ZFHX3: variants seen among roughly 807,000 people sequenced by gnomAD.
ZFHX3 encodes zinc finger homeobox 3.
In ZFHX3, 42 loss-of-function variants were observed where a neutral mutation model predicts 279.1. The observed-to-expected ratio is 0.15, with a 90% CI of 0.12 to 0.19. The LOEUF (loss-of-function observed/expected upper bound fraction) is 0.19, where lower values mean the gene tolerates loss of function less well. ZFHX3 is among the 10% of genes least tolerant of loss of function. The pLI is 1.00. For missense variants in ZFHX3, 4,981 were observed against 4,754.0 expected, an observed-to-expected ratio of 1.05 and a Z score of -1.40; for synonymous variants, 2,293 against 1,957.8, an observed-to-expected ratio of 1.17 and a Z score of -4.52.
chr16:72,882,980 GTGTGTGT>G (rs2038524769), intron 4 of ZFHX3, among the ~76,000 whole-genome samples: 1,390 of 35,454 alleles, frequency 0.039, 52 homozygotes, highest in South Asian at 0.049. Context: ...ACTCTGGGGT[GTGTGTGT>G]GTGTGTGTGT....
At chr16:73,570,611 T>C (rs2051724257) in intron 2 of ZFHX3, among the ~76,000 whole-genome samples, 1 of 152,206 alleles carries the variant, frequency 6.6e-6, no homozygotes, top group African/African-American at 2.4e-5. Flanking sequence ...GTTTTCTCTT[T>C]GAAAAGTTTC....
At chr16:73,753,297 G>T (rs182002639) in intron 1 of ZFHX3, among the ~76,000 whole-genome samples, 140 of 152,224 alleles carry the variant, frequency 9.2e-4, no homozygotes, top group Admixed American at 3.6e-3. Context: ...GAGGAAACCA[G>T]CAAAGGGTGA....
At chr16:73,016,871 G>A (rs983805654) in intron 1 of ZFHX3, among the ~76,000 whole-genome samples, 71 of 151,808 alleles carry the variant, frequency 4.7e-4, no homozygotes, top group African/African-American at 1.5e-3. Flanking sequence ...CCAAGTTCAC[G>A]TGTATATCCC....
At chr16:73,706,728 G>T (rs1221789270) in intron 1 of ZFHX3, among the ~76,000 whole-genome samples, 1 of 152,038 alleles carries the variant, frequency 6.6e-6, no homozygotes, top group Non-Finnish European at 1.5e-5. Context: ...TTCTTTATGA[G>T]AAACATAGTT....
Position 73,362,383 on chromosome 16 carries a change from G to A in ZFHX3, c.-1290-44047C>T, listed in dbSNP as rs558557960. ...CTTGACCACCCATGGGATGGCCCAG[G>A]AACAGAGTCAGAGGCCAGAGGAACA... On this transcript the variant is annotated intron_variant, in intron 3 of 17. Coordinates refer to the ZFHX3 transcript ENST00000641206. 1.2e-4 allele frequency among the ~76,000 whole-genome samples: 19 copies of A among 152,316 alleles called. No individual in the cohort carries two copies. In the South Asian group the frequency reaches 1.9e-3, roughly 15 times the overall value.
At chr16:73,255,781 G>C (rs942376525) in intron 5 of ZFHX3, among the ~76,000 whole-genome samples, 1 of 152,194 alleles carries the variant, frequency 6.6e-6, no homozygotes, top group Non-Finnish European at 1.5e-5. Flanking sequence ...TGCAAAGCCT[G>C]AAATGCCACA....
At chr16:73,570,317 A>C (rs1333576607) in intron 2 of ZFHX3, among the ~76,000 whole-genome samples, 1 of 152,242 alleles carries the variant, frequency 6.6e-6, no homozygotes, top group Non-Finnish European at 1.5e-5. Flanking sequence ...TCTGAAGTTA[A>C]ATACACATTG....
chr16:73,722,279 G>A (rs919745441), intron 1 of ZFHX3, among the ~76,000 whole-genome samples: 8 of 152,182 alleles, frequency 5.3e-5, no homozygotes, highest in Admixed American at 3.3e-4. Flanking sequence ...TATGGTACTC[G>A]ATTGGTTGAT....
chr16:73,848,121 A>G (rs1457563787), intron 1 of ZFHX3, among the ~76,000 whole-genome samples: 1 of 151,880 alleles, frequency 6.6e-6, no homozygotes, highest in African/African-American at 2.4e-5. Flanking sequence ...TTGTCTCATT[A>G]CAGTTTACAC....
At chr16:73,232,628 T>C (rs1567425062) in intron 5 of ZFHX3, 1 of 152,130 alleles carries the variant, frequency 6.6e-6, no homozygotes, top group African/African-American at 2.4e-5. Context: ...CAGGACGCAA[T>C]GGACTTTGCT....
intron 2 of ZFHX3, among the ~76,000 whole-genome samples, chr16:73,621,933 C>G (rs987302573): frequency 2.6e-5 from 4 of 152,200 alleles, no homozygotes; most frequent in African/African-American, 9.6e-5. Flanking sequence ...TCAGTAAATT[C>G]TAATGGAGGA....
intron 3 of ZFHX3, among the ~76,000 whole-genome samples, chr16:73,378,186 C>T (rs1443904378): frequency 3.9e-5 from 6 of 151,900 alleles, no homozygotes; most frequent in African/African-American, 1.5e-4. Flanking sequence ...GAAAGGCCTG[C>T]TACTCCCACT....
rs2143595870 is a variant in ZFHX3 at position 72,811,978 on chromosome 16, G to C, written c.3590C>G (p.Ser1197Cys). 2.5e-6 allele frequency: 4 copies of C among 1,614,174 alleles called. No homozygotes were observed. The highest frequency in any genetic ancestry group is 1.7e-6 in the Non-Finnish European group (2 of 1,180,032). The change falls in exon 6 of 10, where the codon TCC (serine) becomes TGC (cysteine). Residue 1197 changes from serine to cysteine, a missense_variant. By Grantham distance (112) the Ser-to-Cys change is moderately radical. Around this residue, in one of 7 missense-constraint regions of ZFHX3, gnomAD observed 1,751 missense variants for 1,770.0 expected, o/e 0.99. Coordinates refer to ENST00000268489, the MANE Select transcript of ZFHX3 (RefSeq NM_006885.4). ...TDSPATSKRI[S>C]FPGSSESPLS... ...GGGAGACTCTGAGCTACCTGGGAAGGAGATGCGTTTGGAGGTTGCAGGAGA... is the reference window on the plus strand; with the variant it reads ...GGGAGACTCTGAGCTACCTGGGAAGCAGATGCGTTTGGAGGTTGCAGGAGA...
rs1290385290 is a variant in ZFHX3 at position 72,959,515 on chromosome 16, G to C, written c.631C>G (p.Pro211Ala). 6.2e-7 allele frequency: 1 copy of C among 1,614,124 alleles called. No individual in the cohort carries two copies. Among genetic ancestry groups the C allele is most frequent in the East Asian group, 2.2e-5 (1 of 44,898 alleles). ...GAGGTATTCGGGAAAGCCTGGTCTGGGCCCTCAAACCATTTCCCGAAGGAT... is the reference window on the plus strand; with the variant it reads ...GAGGTATTCGGGAAAGCCTGGTCTGCGCCCTCAAACCATTTCCCGAAGGAT... ...ASSFGKWFEG[P>A]DQAFPNTSAL... Residue 211 changes from proline to alanine, a missense_variant, in exon 2 of 10, where the codon CCA becomes GCA. Coordinates refer to ENST00000268489, the MANE Select transcript of ZFHX3 (RefSeq NM_006885.4).
At chr16:72,894,686 T>C (rs2038853890) in intron 3 of ZFHX3, among the ~76,000 whole-genome samples, 1 of 152,192 alleles carries the variant, frequency 6.6e-6, no homozygotes, top group African/African-American at 2.4e-5. Flanking sequence ...GGGATCACAA[T>C]GTATTTAATT....
At chr16:73,218,980 C>A (rs537124926) in intron 5 of ZFHX3, among the ~76,000 whole-genome samples, 24 of 152,278 alleles carry the variant, frequency 1.6e-4, no homozygotes, top group African/African-American at 5.8e-4. Flanking sequence ...CTGGCCACCA[C>A]AAATCAACTC....
chr16:72,837,483 T>G lies in ZFHX3; in HGVS notation c.3449-7624A>C, dbSNP rs558222055. On this transcript the variant is annotated intron_variant, in intron 4 of 9. Coordinates refer to ENST00000268489, the MANE Select transcript of ZFHX3 (RefSeq NM_006885.4). ...CCTGGCTCCAATGATGATTTTTTTT[T>G]TTTTTTTTTTTTTGAGACGGGGTCT... 5.2e-4 allele frequency among the ~76,000 whole-genome samples: 79 copies of G among 151,164 alleles called. No individual in the cohort carries two copies. In the South Asian group the frequency reaches 8.4e-3, roughly 16 times the overall value.
intron 5 of ZFHX3, among the ~76,000 whole-genome samples, chr16:72,829,244 C>T (rs2037007526): frequency 6.6e-6 from 1 of 150,876 alleles, no homozygotes; most frequent in African/African-American, 2.4e-5. Flanking sequence ...AATTCCTGGG[C>T]TCAAGTGATC....
intron 2 of ZFHX3, among the ~76,000 whole-genome samples, chr16:73,601,185 G>A (rs983681090): frequency 6.6e-5 from 10 of 151,720 alleles, no homozygotes; most frequent in African/African-American, 2.4e-4. Flanking sequence ...AGGCACAGTG[G>A]CTCACGCCTG....
Sources: allele counts gnomAD v4.1 joint callset (sites outside exome capture counted in the v4.1 genomes callset), GRCh38; gene constraint gnomAD v4.1.1; regional missense constraint gnomAD v4.1.1; transcripts MANE v1.5; gene names NCBI Gene and HGNC (gene_info 2026-07-23, HGNC 2026-07-21).